SANBR: variants seen among roughly 807,000 people sequenced by gnomAD.
SANBR encodes SANT and BTB domain regulator of class switch recombination.
In SANBR, 77 loss-of-function variants were observed where a neutral mutation model predicts 101.8. That is an observed-to-expected ratio of 0.76 (90% confidence interval 0.63 to 0.91). The LOEUF is 0.91. Ranked by LOEUF, SANBR falls within the 40% of genes least tolerant of loss-of-function variation. The probability of loss-of-function intolerance (pLI) is 0.00; values close to 1 mark genes in which losing one functional copy is unlikely to be tolerated. For missense variants in SANBR, 875 were observed against 853.0 expected (o/e 1.03, Z -0.32); for synonymous variants, 279 against 274.7 (o/e 1.02, Z -0.15).
At chr2:61,086,184 A>C (rs1573610293) in intron 8 of SANBR, among the ~76,000 whole-genome samples, 2 of 151,932 alleles carry the variant, frequency 1.3e-5, no homozygotes, top group East Asian at 3.9e-4. Context: ...TTTTTGAGAC[A>C]GGGTCTTCTT....
intron 8 of SANBR, among the ~76,000 whole-genome samples, chr2:61,087,025 A>G (rs1338522489): frequency 2.0e-5 from 3 of 152,228 alleles, no homozygotes; most frequent in Admixed American, 6.5e-5. Flanking sequence ...AAGTTCAGTT[A>G]TATTATGCAT....
chr2:61,088,158 G>A lies in SANBR; in HGVS notation c.891-1G>A, dbSNP rs371270281. The stretch of plus-strand genomic sequence containing the variant: ...ATATTTTGGTCATTTGTTGTTAATA[G>A]CAAACTTTTTTGTAAGAAGATTGAA... On this transcript the variant is annotated splice_acceptor_variant, in intron 8 of 21. Coordinates refer to ENST00000402291, the MANE Select transcript of SANBR (RefSeq NM_001129993.3). LOFTEE classifies it high-confidence loss of function. 12 of 1,588,940 alleles carry A rather than the reference G, an allele frequency of 7.6e-6. No individual in the cohort carries two copies. The highest frequency in any genetic ancestry group is 9.4e-6 in the Non-Finnish European group (11 of 1,168,420).
Position 61,082,822 on chromosome 2 carries a change from A to C in SANBR, c.730-332A>C, listed in dbSNP as rs192216850. 4.6e-5 allele frequency among the ~76,000 whole-genome samples: 7 copies of C among 151,934 alleles called. No individual in the cohort carries two copies. The South Asian group carries it at 1.5e-3, about 32-fold the overall frequency. On this transcript the variant is annotated intron_variant, in intron 7 of 21. Coordinates refer to ENST00000402291, the MANE Select transcript of SANBR (RefSeq NM_001129993.3). Reference sequence around the variant, plus strand: ...TGACAGAGCAAGACTCCATCTCAGAAAAAAAAAAGAAGTTTACATGTTCTG... The same window carrying C: ...TGACAGAGCAAGACTCCATCTCAGACAAAAAAAAGAAGTTTACATGTTCTG...
At chr2:61,068,612 G>T (rs907525896) in intron 1 of SANBR, among the ~76,000 whole-genome samples, 7 of 152,158 alleles carry the variant, frequency 4.6e-5, no homozygotes, top group African/African-American at 1.7e-4. Context: ...GTAAAGCTGG[G>T]TAAGAATCTG....
intron 16 of SANBR, among the ~76,000 whole-genome samples, chr2:61,112,714 G>A (rs552527475): frequency 4.0e-4 from 61 of 152,220 alleles, no homozygotes; most frequent in East Asian, 5.8e-4. Context: ...AGCTGGTCTC[G>A]AACTCCTGAC....
chr2:61,075,143 C>G (rs1344146930), intron 5 of SANBR: 1 of 152,210 alleles, frequency 6.6e-6, no homozygotes, highest in Admixed American at 6.6e-5. Flanking sequence ...GTGAATTAAA[C>G]ACACAATTCA....
chr2:61,103,230 G>T (rs1287901966), intron 12 of SANBR, among the ~76,000 whole-genome samples: 1 of 149,896 alleles, frequency 6.7e-6, no homozygotes, highest in Non-Finnish European at 1.5e-5. Flanking sequence ...CGACCTCCCT[G>T]AGCTGAAGTG....
chr2:61,124,703 CAAA>C (rs777185693), downstream of SANBR, among the ~76,000 whole-genome samples: 4 of 96,098 alleles, frequency 4.2e-5, no homozygotes, highest in Admixed American at 1.1e-4. Context: ...AAGACCCTAT[CAAA>C]AAAAAAAAAA....
At chr2:61,071,269 C>T (rs897608674) in intron 3 of SANBR, among the ~76,000 whole-genome samples, 4 of 151,982 alleles carry the variant, frequency 2.6e-5, no homozygotes, top group South Asian at 2.1e-4. Flanking sequence ...ATTCCCAAAC[C>T]GCTGGGCATG....
intron 11 of SANBR, among the ~76,000 whole-genome samples, chr2:61,096,505 A>C (rs1055454128): frequency 6.6e-6 from 1 of 152,184 alleles, no homozygotes; most frequent in African/African-American, 2.4e-5. Flanking sequence ...TGCCTAGTCC[A>C]GTGGTCTTCC....
intron 6 of SANBR, among the ~76,000 whole-genome samples, chr2:61,080,449 G>A (rs930674267): frequency 1.3e-5 from 2 of 151,892 alleles, no homozygotes; most frequent in Non-Finnish European, 2.9e-5. Context: ...TTCACCGGGC[G>A]TGGTGGCTCA....
intron 8 of SANBR, among the ~76,000 whole-genome samples, chr2:61,084,342 A>T (rs1324970858): frequency 6.6e-6 from 1 of 152,200 alleles, no homozygotes; most frequent in South Asian, 2.1e-4. Context: ...TCCAGAGCCA[A>T]TGGCTCAAGA....
chr2:61,119,877 G>A lies in SANBR; in HGVS notation c.2029-1308G>A, dbSNP rs187936348. On this transcript the variant is annotated intron_variant, in intron 20 of 21. Coordinates refer to ENST00000402291, the MANE Select transcript of SANBR (RefSeq NM_001129993.3). ...CTAGCGAGACTGAAGTAGGAGGATC[G>A]CTTGAGCCTGGGAGGCAGAAGTTGC... Among the ~76,000 whole-genome samples, 38 of 152,230 alleles carry A rather than the reference G, an allele frequency of 2.5e-4. No homozygotes were observed. In the East Asian group the frequency reaches 6.0e-3, roughly 24 times the overall value.
chr2:61,115,779 C>T (rs564247227), intron 16 of SANBR, 200 bp from the exon 17 acceptor site: 4 of 411,620 alleles, frequency 9.7e-6, no homozygotes, highest in Non-Finnish European at 1.7e-5. Flanking sequence ...AAATGAACCC[C>T]TGTAAAGCAA....
At chr2:61,122,017 G>A in intron 21 of SANBR, 109 bp from the exon 22 acceptor site, 1 of 1,407,296 alleles carries the variant, frequency 7.1e-7, no homozygotes, top group Non-Finnish European at 9.5e-7. Flanking sequence ...GGAGCTGCAA[G>A]AAGATTTATT....
At chr2:61,131,038 A>C (rs1232896975) in intron 20 of SANBR, among the ~76,000 whole-genome samples, 1 of 151,880 alleles carries the variant, frequency 6.6e-6, no homozygotes, top group Non-Finnish European at 1.5e-5. Flanking sequence ...CATTAACAAC[A>C]TAGAAGGGAA....
chr2:61,117,282 CTT>C (rs1486689547), intron 17 of SANBR, 73 bp from the exon 18 acceptor site: 13 of 1,359,498 alleles, frequency 9.6e-6, no homozygotes, highest in Admixed American at 1.7e-5. Flanking sequence ...AGAGTGAACT[CTT>C]TTTATTACTA....
intron 18 of SANBR, 32 bp downstream of exon 18, chr2:61,117,417 C>G: frequency 6.2e-7 from 1 of 1,612,462 alleles, no homozygotes; most frequent in South Asian, 1.1e-5. Context: ...AATCGGATAT[C>G]CACTCTTAAA....
intron 12 of SANBR, among the ~76,000 whole-genome samples, chr2:61,102,503 G>T (rs1387270209): frequency 6.6e-6 from 1 of 151,556 alleles, no homozygotes; most frequent in Non-Finnish European, 1.5e-5. Flanking sequence ...AAGCCAGAAT[G>T]AATGCCAATA....
Sources: allele counts gnomAD v4.1 joint callset (sites outside exome capture counted in the v4.1 genomes callset), GRCh38; gene constraint gnomAD v4.1.1; transcripts MANE v1.5; gene names NCBI Gene and HGNC (gene_info 2026-07-23, HGNC 2026-07-21).